The following CHAF1B variants were observed in gnomAD, a reference collection of about 807,000 sequenced individuals.
CHAF1B encodes the protein chromatin assembly factor 1 subunit B.
Under a neutral mutation model 60.7 loss-of-function variants are expected in CHAF1B, and 10 were observed. The observed-to-expected ratio is 0.16, with a 90% CI of 0.10 to 0.28. CHAF1B has a LOEUF of 0.28. Among genes scored for constraint, CHAF1B ranks in the 10% least tolerant of loss-of-function variants. CHAF1B has a pLI of 1.00. For missense variants in CHAF1B, 558 were observed against 708.4 expected (o/e 0.79, Z 2.41); for synonymous variants, 261 against 266.1 (o/e 0.98, Z 0.19).
At position 36,411,302 on chromosome 21, in the gene CHAF1B, C is replaced by T. The variant is rs568896556; in HGVS notation, c.920-161C>T. 3.9e-5 allele frequency among the ~76,000 whole-genome samples: 6 copies of T among 151,962 alleles called. No individual in the cohort carries two copies. In the South Asian group the frequency reaches 1.0e-3, roughly 26 times the overall value. ...CTAATTTTTGTATTTTTGATAGAGA[C>T]GGGGTTTTGCCATGTTGCTTAGGCA... On this transcript the variant is annotated intron_variant, in intron 10 of 13. Transcript: ENST00000314103.
At chr21:36,412,751 C>G in intron 11 of CHAF1B, 133 bp from the exon 12 acceptor site, 1 of 802,196 alleles carries the variant, frequency 1.2e-6, no homozygotes, top group Non-Finnish European at 2.0e-6. Flanking sequence ...CTATCACACA[C>G]TCTTTTCCAG....
chr21:36,407,177 C>T (rs920834596), intron 8 of CHAF1B, among the ~76,000 whole-genome samples: 4 of 152,036 alleles, frequency 2.6e-5, no homozygotes, highest in African/African-American at 9.7e-5. Flanking sequence ...TGATGCACAC[C>T]TGTAATCCCA....
At chr21:36,409,518 C>A (rs1174954562) in intron 10 of CHAF1B, 53 bp downstream of exon 10, 18 of 1,338,596 alleles carry the variant, frequency 1.3e-5, no homozygotes, top group Non-Finnish European at 1.9e-5. Flanking sequence ...AACAGGTCAC[C>A]AGAGTGGGGT....
intron 1 of CHAF1B, among the ~76,000 whole-genome samples, chr21:36,385,773 C>A (rs1043394245): frequency 6.6e-6 from 1 of 152,110 alleles, no homozygotes; most frequent in African/African-American, 2.4e-5. Flanking sequence ...TCAGGGCGCG[C>A]CCCTAGCCCC....
At chr21:36,403,156 C>G (rs1406846860) in intron 8 of CHAF1B, among the ~76,000 whole-genome samples, 2 of 151,974 alleles carry the variant, frequency 1.3e-5, no homozygotes, top group Non-Finnish European at 2.9e-5. Flanking sequence ...GGCATTTTCT[C>G]TTAGATAAAT....
At chr21:36,390,578 A>G (rs954217410) in intron 3 of CHAF1B, among the ~76,000 whole-genome samples, 58 of 152,140 alleles carry the variant, frequency 3.8e-4, no homozygotes, top group African/African-American at 1.3e-3. Flanking sequence ...GGGGCTTACT[A>G]TCTGCCAGCC....
intron 7 of CHAF1B, among the ~76,000 whole-genome samples, chr21:36,401,673 A>T (rs1036183660): frequency 3.5e-5 from 5 of 142,194 alleles, no homozygotes; most frequent in Admixed American, 7.5e-5. Context: ...TATATATATA[A>T]AAATATATCT....
chr21:36,398,055 AT>A (rs757116185), intron 6 of CHAF1B: 4,205 of 132,510 alleles, frequency 0.032, 149 homozygotes, highest in African/African-American at 0.099. Context: ...TATTATTACT[AT>A]TTTTTTTTTT....
rs942232080 is a variant in CHAF1B at position 36,387,512 on chromosome 21, C to T, written c.127-86C>T. ...CTGGGATTACAGTTGTGAGCCACCA[C>T]ACCCAGCCCATAGTATTGTTTTAAT... On this transcript the variant is annotated intron_variant, in intron 2 of 13. Coordinates refer to ENST00000314103, the MANE Select transcript of CHAF1B (RefSeq NM_005441.3). 28 of 1,525,916 alleles carry T rather than the reference C, an allele frequency of 1.8e-5. No homozygotes were observed. The African/African-American group carries it at 3.1e-4, about 17-fold the overall frequency. 94.5% of individuals were successfully genotyped at this position (1,525,916 alleles called of 1,614,324 possible).
chr21:36,407,833 C>T (rs2146373185), intron 8 of CHAF1B, among the ~76,000 whole-genome samples: 1 of 152,124 alleles, frequency 6.6e-6, no homozygotes, highest in African/African-American at 2.4e-5. Context: ...CAAAAATTAG[C>T]CGGGCATCGT....
In CHAF1B at chr21:36,416,414, A is replaced by G. The variant is rs2086320460; in HGVS notation, c.*48A>G. The G allele has an allele frequency of 6.6e-7, 1 of 1,505,426 alleles. No homozygotes were observed. The highest frequency in any genetic ancestry group is 9.1e-7 in the Non-Finnish European group (1 of 1,094,790). The allele number at this position is 1,505,426 out of a possible 1,614,324, so 93.3% of individuals were successfully genotyped here. A position where few individuals can be genotyped will look rare whatever the true frequency, so the allele number is the denominator to read the frequency against. On this transcript the variant is annotated 3_prime_UTR_variant, in exon 14 of 14. Transcript: ENST00000314103. ...AGCCTACCAGGCTCCCGGTGTGTGC[A>G]GGGAGACGGTAAAGCTGGAGGTGCC...
chr21:36,403,455 T>TAAA (rs71326686), intron 8 of CHAF1B, among the ~76,000 whole-genome samples: 5 of 77,454 alleles, frequency 6.5e-5, no homozygotes, highest in Non-Finnish European at 7.7e-5. Context: ...ATATCTTATC[T>TAAA]AAAAAAAAAA....
Position 36,411,485 on chromosome 21 carries a change from C to G in CHAF1B, c.942C>G (p.Pro314=), listed in dbSNP as rs1240457204. Residue 314 remains proline, a synonymous_variant, in exon 11 of 14, where the codon CCC becomes CCG. Transcript: ENST00000314103. ...CAGGTGTGGAGCTGATGAGTCTGCC[C>G]TACCGCCTGGTGTTTGCTGTGGCCT... ...VETGVELMSL[P]YRLVFAVASE... 1 of 1,613,922 alleles carries G rather than the reference C, an allele frequency of 6.2e-7. No individual in the cohort carries two copies. Among genetic ancestry groups the G allele is most frequent in the South Asian group, 1.1e-5 (1 of 91,072 alleles).
rs78979512 is a variant in CHAF1B, at chr21:36,415,595, G to C, written c.1588+206G>C. 3.9e-5 allele frequency among the ~76,000 whole-genome samples: 6 copies of C among 152,236 alleles called. No individual in the cohort carries two copies. In the East Asian group the frequency reaches 1.2e-3, roughly 29 times the overall value. On this transcript the variant is annotated intron_variant, in intron 13 of 13. Transcript: ENST00000314103. ...AGTGAGAGCATCCTGGTGAGCCAGG[G>C]AGTGGGTTCAGCAGGAGATTGTCTA...
rs758598871 is a variant in CHAF1B at position 36,394,591 on chromosome 21, G to C, written c.422G>C (p.Gly141Ala). The change falls in exon 5 of 14, where the codon GGG becomes GCG. Residue 141 changes from glycine (G) to alanine (A), a missense_variant. Transcript: ENST00000314103. The part of the protein sequence containing the change: ...DVYDICWATD[G>A]NLMASASVDN... ...TATGATATTTGCTGGGCAACTGATG[G>C]GAATTTAATGGCTTCTGCCTCTGTG... is the stretch of plus-strand genomic sequence containing the variant. The C allele has an allele frequency of 6.2e-7, 1 of 1,613,784 alleles. No individual in the cohort carries two copies. The highest frequency in any genetic ancestry group is 2.2e-5 in the East Asian group (1 of 44,856).
chr21:36,385,591 C>A (rs910866735), intron 1 of CHAF1B, 140 bp downstream of exon 1: 1 of 151,672 alleles, frequency 6.6e-6, no homozygotes, highest in Non-Finnish European at 1.5e-5. Flanking sequence ...GCCCCGTCCA[C>A]CCCCGGCCCC....
rs2086322790 is a variant in CHAF1B, at chr21:36,416,684, A to T, written c.*318A>T. On this transcript the variant is annotated 3_prime_UTR_variant, in exon 14 of 14. Coordinates refer to ENST00000314103, the MANE Select transcript of CHAF1B (RefSeq NM_005441.3). ...CCCTGGCATCCTCGTGAAAGTGCAC[A>T]CACTTCATGGAGGGACTCCTTTTCA... The T allele has an allele frequency of 4.4e-6, 1 of 225,324 alleles. No individual in the cohort carries two copies. Among genetic ancestry groups the T allele is most frequent in the Non-Finnish European group, 8.7e-6 (1 of 114,796 alleles). 14.0% of individuals were successfully genotyped at this position (225,324 alleles called of 1,614,324 possible).
At chr21:36,414,218 C>T (rs1309245976) in intron 12 of CHAF1B, among the ~76,000 whole-genome samples, 1 of 152,200 alleles carries the variant, frequency 6.6e-6, no homozygotes, top group African/African-American at 2.4e-5. Flanking sequence ...CCACCAAGCC[C>T]TCTGCCTCCC....
At position 36,402,755 on chromosome 21, in the gene CHAF1B, C is replaced by T; in HGVS notation, c.664-3C>T. ...TAATAAAAATAAATTTTGTGTGCGA[C>T]AGGCAAGAAGCTACCGGATGTTTCA... On this transcript the variant is annotated splice_polypyrimidine_tract_variant and splice_region_variant and intron_variant, in intron 7 of 13. Transcript: ENST00000314103. 6.2e-7 allele frequency: 1 copy of T among 1,606,864 alleles called. No homozygotes were observed. The highest frequency in any genetic ancestry group is 8.5e-7 in the Non-Finnish European group (1 of 1,177,364).
Sources: allele counts gnomAD v4.1 joint callset (sites outside exome capture counted in the v4.1 genomes callset), GRCh38; gene constraint gnomAD v4.1.1; transcripts MANE v1.5; gene names NCBI Gene and HGNC (gene_info 2026-07-23, HGNC 2026-07-21).